TRPM7: variants seen among roughly 807,000 people sequenced by gnomAD.
The protein encoded by TRPM7 is LTRPC ion channel family member 7.
TRPM7 carries 134 observed loss-of-function variants against 229.7 expected under a neutral mutation model. The ratio of observed to expected loss-of-function variants is 0.58; its 90% CI spans 0.51 to 0.67. TRPM7 has a LOEUF of 0.67. Among genes scored for constraint, TRPM7 ranks in the 30% least tolerant of loss-of-function variants. The pLI is 0.00. For missense variants in TRPM7, 1,901 were observed against 2,210.0 expected (o/e 0.86, Z 2.80); for synonymous variants, 699 against 715.2 (o/e 0.98, Z 0.36).
At chr15:50,620,691 G>A (rs2140543778) in intron 12 of TRPM7, among the ~76,000 whole-genome samples, 1 of 152,264 alleles carries the variant, frequency 6.6e-6, no homozygotes, top group African/African-American at 2.4e-5. Context: ...AGCACTTTGG[G>A]AGGCAGAAGC....
intron 11 of TRPM7, 72 bp from the exon 12 acceptor site, chr15:50,624,372 C>A: frequency 7.8e-7 from 1 of 1,288,922 alleles, no homozygotes; most frequent in Non-Finnish European, 1.0e-6. Context: ...AATGTTAAGT[C>A]CTTAGGATTT....
chr15:50,614,568 G>A (rs1226762128), intron 13 of TRPM7, among the ~76,000 whole-genome samples: 3 of 151,688 alleles, frequency 2.0e-5, no homozygotes, highest in Non-Finnish European at 4.4e-5. Context: ...AAGAGGCTGA[G>A]GCAGGAGAAT....
At chr15:50,635,690 AAG>A (rs1374444851) in intron 7 of TRPM7, among the ~76,000 whole-genome samples, 1 of 68,978 alleles carries the variant, frequency 1.4e-5, no homozygotes. Flanking sequence ...AAAAAAAAAA[AAG>A]AGGACGGCTG....
At position 50,574,439 on chromosome 15, in the gene TRPM7, G is replaced by C; in HGVS notation, c.5143C>G (p.Gln1715Glu). The change falls in exon 36 of 39, where the codon CAG becomes GAG. Residue 1715 changes from glutamine (Q) to glutamate (E), a missense_variant. Around this residue, in one of 8 missense-constraint regions of TRPM7, gnomAD observed 257 missense variants for 352.0 expected, o/e 0.73. Coordinates refer to ENST00000646667, the MANE Select transcript of TRPM7 (RefSeq NM_017672.6). ...ATACATTCTTCCACAGCAAACCACT[G>C]TCCTGCTGAATGGCAATACAGCAGG... ...VFLLYCHSAG[Q>E]WFAVEECMTG... The C allele has an allele frequency of 1.2e-6, 2 of 1,613,746 alleles. No individual in the cohort carries two copies. Among genetic ancestry groups the C allele is most frequent in the Non-Finnish European group, 1.7e-6 (2 of 1,179,962 alleles).
intron 36 of TRPM7, among the ~76,000 whole-genome samples, chr15:50,571,854 T>C (rs2053907383): frequency 6.6e-6 from 1 of 152,236 alleles, no homozygotes; most frequent in African/African-American, 2.4e-5. Context: ...ACAAGGGATT[T>C]AGAATATACA....
chr15:50,674,024 T>C (rs954307442), intron 1 of TRPM7, among the ~76,000 whole-genome samples: 2 of 152,220 alleles, frequency 1.3e-5, no homozygotes, highest in African/African-American at 2.4e-5. Flanking sequence ...AGTTTTACTC[T>C]GTCGCCCAGG....
intron 25 of TRPM7, among the ~76,000 whole-genome samples, 186 bp downstream of exon 25, chr15:50,593,431 A>T (rs1038842111): frequency 2.0e-5 from 3 of 152,196 alleles, no homozygotes; most frequent in African/African-American, 7.2e-5. Context: ...GTAAAAAAAT[A>T]AGAGACTGAC....
intron 11 of TRPM7, among the ~76,000 whole-genome samples, chr15:50,626,282 T>G (rs2060556797): frequency 6.6e-6 from 1 of 152,144 alleles, no homozygotes; most frequent in Non-Finnish European, 1.5e-5. Flanking sequence ...TTTATGTAAT[T>G]ACTTATGAAA....
At chr15:50,570,838 G>C (rs1261333053) in intron 36 of TRPM7, among the ~76,000 whole-genome samples, 1 of 150,274 alleles carries the variant, frequency 6.7e-6, no homozygotes, top group Non-Finnish European at 1.5e-5. Flanking sequence ...CTGGGCAACA[G>C]AGTGAAATTC....
chr15:50,610,742 T>C (rs551227542), intron 17 of TRPM7, among the ~76,000 whole-genome samples: 2 of 152,260 alleles, frequency 1.3e-5, no homozygotes, highest in South Asian at 4.1e-4. Flanking sequence ...GATTATTAAA[T>C]TAGTAGATAG....
Position 50,632,992 on chromosome 15 carries a change from C to A in TRPM7, c.1008G>T (p.Gly336=), listed in dbSNP as rs2060783043. Residue 336 remains glycine (G), a splice_region_variant and synonymous_variant, in exon 9 of 39, where the codon GGG becomes GGT. Transcript: ENST00000646667. The stretch of plus-strand genomic sequence containing the variant: ...CGGGCTCTGCTGCATCAGGAAGATT[C>A]CTGGAATAAAAGGAAACATAATTCA... ...AYIHKQTEEG[G]NLPDAAEPDI... 4 of 1,576,632 alleles carry A rather than the reference C, an allele frequency of 2.5e-6. No individual in the cohort carries two copies. Among genetic ancestry groups the A allele is most frequent in the African/African-American group, 1.4e-5 (1 of 72,182 alleles).
intron 12 of TRPM7, among the ~76,000 whole-genome samples, chr15:50,621,723 T>C (rs2060412532): frequency 6.6e-6 from 1 of 152,162 alleles, no homozygotes; most frequent in Non-Finnish European, 1.5e-5. Context: ...AATTTTTTTG[T>C]TTTCTTTAAA....
In TRPM7 at chr15:50,592,450, T is replaced by C; in HGVS notation, c.3785A>G (p.Asn1262Ser). ...QKASEASKVH[N>S]EITRELSISK... The stretch of plus-strand genomic sequence containing the variant: ...AATGCTCAGTTCTCGTGTGATTTCA[T>C]TATGAACTTTGCTAGCTTCCGACGC... The change falls in exon 26 of 39, where the codon AAT (asparagine) becomes AGT (serine). Residue 1262 changes from asparagine to serine, a missense_variant. Transcript: ENST00000646667. 1 of 1,614,178 alleles carries C rather than the reference T, an allele frequency of 6.2e-7. No homozygotes were observed. Among genetic ancestry groups the C allele is most frequent in the South Asian group, 1.1e-5 (1 of 91,086 alleles).
chr15:50,650,712 A>AC (rs1424568440), intron 3 of TRPM7, among the ~76,000 whole-genome samples: 2 of 151,908 alleles, frequency 1.3e-5, no homozygotes, highest in Non-Finnish European at 2.9e-5. Context: ...ACAAAAAAAA[A>AC]CAAAAAAATC....
chr15:50,574,613 C>A (rs774292813), intron 35 of TRPM7, 24 bp downstream of exon 35: 1 of 1,594,590 alleles, frequency 6.3e-7, no homozygotes. Flanking sequence ...AATAAAAGAT[C>A]CCAGAAAAAA....
intron 6 of TRPM7, 39 bp downstream of exon 6, chr15:50,639,385 A>G (rs1489020525): frequency 2.0e-6 from 3 of 1,503,516 alleles, no homozygotes; most frequent in Non-Finnish European, 2.7e-6. Context: ...TTGTTTACAT[A>G]TAATTTCAAA....
chr15:50,583,013 C>A, intron 29 of TRPM7, 76 bp downstream of exon 29: 1 of 1,106,548 alleles, frequency 9.0e-7, no homozygotes. Context: ...TCCCAAATAT[C>A]ACCACTTTGT....
intron 11 of TRPM7, among the ~76,000 whole-genome samples, chr15:50,627,068 T>TC (rs1567036887): frequency 1.3e-5 from 2 of 152,198 alleles, no homozygotes; most frequent in African/African-American, 4.8e-5. Flanking sequence ...TGGTAATACT[T>TC]CAAGGTACAG....
At chr15:50,616,277 T>C (rs1596204789) in intron 13 of TRPM7, among the ~76,000 whole-genome samples, 1 of 152,236 alleles carries the variant, frequency 6.6e-6, no homozygotes, top group East Asian at 1.9e-4. Flanking sequence ...TAAAGATTTA[T>C]CACTTATAGA....
Sources: allele counts gnomAD v4.1 joint callset (sites outside exome capture counted in the v4.1 genomes callset), GRCh38; gene constraint gnomAD v4.1.1; regional missense constraint gnomAD v4.1.1; transcripts MANE v1.5; gene names NCBI Gene and HGNC (gene_info 2026-07-23, HGNC 2026-07-21).